GALNT1: variants seen among roughly 807,000 people sequenced by gnomAD.
GALNT1 encodes polypeptide N-acetylgalactosaminyltransferase 1, also known as GalNAc transferase 1.
GALNT1 carries 17 observed loss-of-function variants against 65.7 expected under a neutral mutation model. The ratio of observed to expected loss-of-function variants is 0.26; its 90% CI spans 0.18 to 0.39. The LOEUF (loss-of-function observed/expected upper bound fraction) is 0.39. Ranked by LOEUF, GALNT1 falls within the 10% of genes least tolerant of loss-of-function variation. GALNT1 has a pLI of 1.00. For synonymous variants in GALNT1, 210 were observed against 219.7 expected (o/e 0.96, Z 0.39); for missense variants, 460 against 672.8 (o/e 0.68, Z 3.50).
At chr18:35,641,864 A>T (rs535442038) in intron 1 of GALNT1, among the ~76,000 whole-genome samples, 1 of 152,322 alleles carries the variant, frequency 6.6e-6, no homozygotes, top group South Asian at 2.1e-4. Context: ...CGGTGTGATG[A>T]CTCATGAGTT....
chr18:35,636,985 A>G (rs1598791363), intron 1 of GALNT1, among the ~76,000 whole-genome samples: 1 of 151,934 alleles, frequency 6.6e-6, no homozygotes, highest in South Asian at 2.1e-4. Context: ...CTTTGTTGTT[A>G]TTATTGTAAT....
intron 11 of GALNT1, among the ~76,000 whole-genome samples, chr18:35,706,639 C>T (rs1437932337): frequency 6.6e-6 from 1 of 152,070 alleles, no homozygotes; most frequent in Non-Finnish European, 1.5e-5. Context: ...GAAGCAGACT[C>T]GAAGATAAAG....
At chr18:35,654,830 T>G (rs1555647701) in intron 2 of GALNT1, 29 bp downstream of exon 2, 3 of 1,472,834 alleles carry the variant, frequency 2.0e-6, no homozygotes, top group Non-Finnish European at 1.8e-6. Context: ...TAGAGCTGTT[T>G]TAACTACTAT....
chr18:35,609,222 G>T (rs2046687186), intron 1 of GALNT1, among the ~76,000 whole-genome samples: 1 of 152,018 alleles, frequency 6.6e-6, no homozygotes, highest in African/African-American at 2.4e-5. Flanking sequence ...TTAGAAAGTT[G>T]GTCTTTGATT....
At chr18:35,647,129 T>C (rs146378771) in intron 1 of GALNT1, among the ~76,000 whole-genome samples, 43 of 152,368 alleles carry the variant, frequency 2.8e-4, no homozygotes, top group African/African-American at 1.0e-3. Flanking sequence ...AGTGTTGGGC[T>C]CCTTTCTGCT....
chr18:35,694,394 G>A (rs533267499), intron 9 of GALNT1, among the ~76,000 whole-genome samples: 1 of 152,274 alleles, frequency 6.6e-6, no homozygotes, highest in African/African-American at 2.4e-5. Context: ...ACACCCATTA[G>A]AATGGCCACT....
intron 1 of GALNT1, among the ~76,000 whole-genome samples, chr18:35,627,947 A>G (rs1488116571): frequency 7.4e-6 from 1 of 136,048 alleles, no homozygotes; most frequent in Non-Finnish European, 1.7e-5. Flanking sequence ...GGAGGGTCCT[A>G]CGCCCACGGA....
chr18:35,703,322 A>T (rs1456874244), intron 10 of GALNT1, among the ~76,000 whole-genome samples, 187 bp from the exon 11 acceptor site: 1 of 152,196 alleles, frequency 6.6e-6, no homozygotes, highest in Non-Finnish European at 1.5e-5. Flanking sequence ...TAAGCAAGAA[A>T]ATGAGTAACA....
chr18:35,633,493 A>G (rs576442041), intron 1 of GALNT1, among the ~76,000 whole-genome samples: 7 of 140,708 alleles, frequency 5.0e-5, no homozygotes, highest in South Asian at 2.4e-4. Flanking sequence ...GAACTGAACA[A>G]TGAGAACACT....
In GALNT1 at chr18:35,692,239, A is replaced by G. The variant is rs756839548; in HGVS notation, c.1218A>G (p.Leu406=). 1.2e-6 allele frequency: 2 copies of G among 1,609,376 alleles called. No homozygotes were observed. The highest frequency in any genetic ancestry group is 1.7e-6 in the Non-Finnish European group (2 of 1,176,130). ...ISSRVGLRHK[L]QCKPFSWYLE... ...CAAGAGTTGGTCTAAGACACAAACT[A>G]CAATGCAAACCTTTTTCCTGGTACC... Residue 406 remains leucine (L), a synonymous_variant, in exon 9 of 12, where the codon CTA becomes CTG. Coordinates refer to ENST00000269195, the MANE Select transcript of GALNT1 (RefSeq NM_020474.4).
intron 6 of GALNT1, 96 bp downstream of exon 6, chr18:35,687,282 A>G: frequency 8.3e-7 from 1 of 1,212,004 alleles, no homozygotes; most frequent in South Asian, 1.5e-5. Flanking sequence ...ATTTTGAGAA[A>G]CGTGAAGCAT....
chr18:35,674,811 G>T (rs560581947), intron 3 of GALNT1, among the ~76,000 whole-genome samples: 2 of 151,726 alleles, frequency 1.3e-5, no homozygotes, highest in Non-Finnish European at 2.9e-5. Context: ...GTGAAACCCC[G>T]TCTCTAGTAA....
At chr18:35,671,794 GATTTATCTTTATGTATCT>G (rs2144530108) in intron 3 of GALNT1, among the ~76,000 whole-genome samples, 1 of 152,194 alleles carries the variant, frequency 6.6e-6, no homozygotes, top group Admixed American at 6.5e-5. Context: ...TCAAGGTGTA[GATTTATCTTTATGTATCT>G]ACATGTTCAG....
Position 35,692,315 on chromosome 18 carries a change from G to T in GALNT1, c.1294G>T (p.Gly432Ter). 1 of 1,555,120 alleles carries T rather than the reference G, an allele frequency of 6.4e-7. No individual in the cohort carries two copies. The highest frequency in any genetic ancestry group is 8.8e-7 in the Non-Finnish European group (1 of 1,134,874). ...SQIPRHYFSL[G>*]EIRNVETNQC... The stretch of plus-strand genomic sequence containing the variant: ...AATTCCACGTCACTATTTCTCATTG[G>T]GAGAGGTAAGAAATATATATATATA... Residue 432 changes from glycine to a stop codon, truncating the protein, a stop_gained, in exon 9 of 12, where the codon GGA (glycine) becomes TGA (stop). Coordinates refer to ENST00000269195, the MANE Select transcript of GALNT1 (RefSeq NM_020474.4). LOFTEE classifies it high-confidence loss of function.
At chr18:35,601,340 T>A (rs1402569817) in intron 1 of GALNT1, among the ~76,000 whole-genome samples, 1 of 152,092 alleles carries the variant, frequency 6.6e-6, no homozygotes, top group Non-Finnish European at 1.5e-5. Flanking sequence ...CCTTTTTTGC[T>A]TATTTTCTTA....
chr18:35,664,401 T>C (rs930891840), intron 3 of GALNT1: 1 of 152,292 alleles, frequency 6.6e-6, no homozygotes, highest in African/African-American at 2.4e-5. Flanking sequence ...TTTTATTCTT[T>C]TCTACTGCAA....
intron 8 of GALNT1, 72 bp downstream of exon 8, chr18:35,691,264 A>G: frequency 7.3e-7 from 1 of 1,376,376 alleles, no homozygotes; most frequent in African/African-American, 1.5e-5. Context: ...AGAAGTAAGA[A>G]GGTTAGAAGT....
intron 1 of GALNT1, among the ~76,000 whole-genome samples, chr18:35,587,413 A>T (rs919751944): frequency 6.6e-6 from 1 of 152,234 alleles, no homozygotes; most frequent in African/African-American, 2.4e-5. Context: ...GAGAAAGGAC[A>T]GTCTTTGTGA....
chr18:35,590,016 A>T (rs184981604), intron 1 of GALNT1, among the ~76,000 whole-genome samples: 14 of 152,296 alleles, frequency 9.2e-5, no homozygotes, highest in African/African-American at 3.4e-4. Flanking sequence ...CTAGACTTTG[A>T]CTAGCACTGC....
Sources: gnomAD v4.1 joint callset for allele counts (sites outside exome capture counted in the v4.1 genomes callset) on GRCh38, gnomAD v4.1.1 for gene constraint, MANE v1.5 for transcripts, NCBI Gene and HGNC (gene_info 2026-07-23, HGNC 2026-07-21) for gene names.